Variants in WDR76 observed in about 807,000 individuals in gnomAD.
The protein encoded by WDR76 is WD repeat domain 76.
Under a neutral mutation model 70.2 loss-of-function variants are expected in WDR76, and 52 were observed. That is an observed-to-expected ratio of 0.74 (90% CI 0.59 to 0.93). The LOEUF (loss-of-function observed/expected upper bound fraction) is 0.93. Among genes scored for constraint, WDR76 ranks in the 40% least tolerant of loss-of-function variants. WDR76 has a pLI of 0.00. For synonymous variants in WDR76, 292 were observed against 271.1 expected, an observed-to-expected ratio of 1.08 and a Z score of -0.76; for missense variants, 756 against 760.2, an observed-to-expected ratio of 0.99 and a Z score of 0.07.
chr15:43,839,080 A>C (rs184417413), intron 4 of WDR76, among the ~76,000 whole-genome samples: 1 of 152,212 alleles, frequency 6.6e-6, no homozygotes, highest in African/African-American at 2.4e-5. Flanking sequence ...AAAATAGTGC[A>C]TAAAAAAATA....
At chr15:43,858,123 G>C (rs1192155313) in intron 10 of WDR76, among the ~76,000 whole-genome samples, 10 of 151,506 alleles carry the variant, frequency 6.6e-5, no homozygotes. Context: ...AGTAGAGACA[G>C]GGTCTCACTG....
chr15:43,848,473 TC>T (rs2087815678), intron 8 of WDR76, among the ~76,000 whole-genome samples: 1 of 152,180 alleles, frequency 6.6e-6, no homozygotes, highest in Admixed American at 6.5e-5. Context: ...TTCCGATTTT[TC>T]CTCTTTTCAA....
chr15:43,834,995 GT>G, intron 2 of WDR76, 65 bp from the exon 3 acceptor site: 1 of 1,345,228 alleles, frequency 7.4e-7, no homozygotes, highest in South Asian at 1.2e-5. Flanking sequence ...GAAACATGTA[GT>G]TTTGTGAAGT....
chr15:43,852,180 CTTT>C (rs1341930537), intron 9 of WDR76, among the ~76,000 whole-genome samples: 1 of 152,082 alleles, frequency 6.6e-6, no homozygotes, highest in East Asian at 1.9e-4. Context: ...ATAAGTTGAA[CTTT>C]TTTATTTTAT....
Position 43,828,314 on chromosome 15 carries a change from ATGTG to A in WDR76, c.411_414del (p.Asp137GlufsTer30), listed in dbSNP as rs1567180477. ...GCAGATGCGATGAATCTCAGTGTTG[ATGTG>A]GAAAGTAGTCAGGATGGAGACAGTG... On this transcript the variant is annotated frameshift_variant, in exon 2 of 13. Coordinates refer to ENST00000263795, the MANE Select transcript of WDR76 (RefSeq NM_024908.4). LOFTEE classifies it high-confidence loss of function. 1 of 1,614,068 alleles carries A rather than the reference ATGTG, an allele frequency of 6.2e-7. No homozygotes were observed. Among genetic ancestry groups the A allele is most frequent in the African/African-American group, 1.3e-5 (1 of 75,058 alleles).
chr15:43,835,285 A>G (rs1224862928), intron 3 of WDR76, 135 bp downstream of exon 3: 1 of 619,362 alleles, frequency 1.6e-6, no homozygotes, highest in Non-Finnish European at 2.7e-6. Context: ...TGGGTAACAT[A>G]CGGAGACCCG....
chr15:43,852,679 C>G (rs920252251), intron 9 of WDR76, among the ~76,000 whole-genome samples: 1 of 152,050 alleles, frequency 6.6e-6, no homozygotes, highest in Admixed American at 6.6e-5. Context: ...AGATTTGCCT[C>G]TTCTGGACAT....
intron 12 of WDR76, among the ~76,000 whole-genome samples, chr15:43,865,601 G>A (rs1052838409): frequency 6.6e-6 from 1 of 151,528 alleles, no homozygotes; most frequent in East Asian, 1.9e-4. Context: ...ACTGGGTTTC[G>A]CCGTGTTGGA....
At chr15:43,858,356 G>C (rs2087956236) in intron 10 of WDR76, among the ~76,000 whole-genome samples, 1 of 151,986 alleles carries the variant, frequency 6.6e-6, no homozygotes, top group Admixed American at 6.6e-5. Flanking sequence ...CCAGGTTCAA[G>C]CAATTCTCCT....
At chr15:43,827,854 A>G in intron 1 of WDR76, 111 bp from the exon 2 acceptor site, 20 of 1,244,426 alleles carry the variant, frequency 1.6e-5, no homozygotes, top group Non-Finnish European at 2.2e-5. Flanking sequence ...CTCAATTTGG[A>G]TTTATATTGT....
chr15:43,835,206 C>T (rs1036192044), intron 3 of WDR76, 56 bp downstream of exon 3: 15 of 1,496,296 alleles, frequency 1.0e-5, no homozygotes, highest in Admixed American at 1.7e-5. Context: ...GTGGGTAGCG[C>T]CTGTAATCCT....
At chr15:43,844,613 C>CAA (rs35536883) in intron 8 of WDR76, among the ~76,000 whole-genome samples, 4 of 91,570 alleles carry the variant, frequency 4.4e-5, no homozygotes, top group East Asian at 3.7e-4. Context: ...GACTCCGTCT[C>CAA]AAAAAAAAAA....
intron 12 of WDR76, among the ~76,000 whole-genome samples, chr15:43,863,710 G>C (rs981087109): frequency 2.6e-5 from 4 of 152,026 alleles, no homozygotes; most frequent in East Asian, 3.9e-4. Context: ...CAGACACACA[G>C]AACCATGCCC....
In WDR76 at chr15:43,830,502, C is replaced by T. The variant is rs146796419; in HGVS notation, c.462+2136C>T. 6.9e-3 allele frequency among the ~76,000 whole-genome samples: 961 copies of T among 140,282 alleles called. 16 individuals carry two copies. The highest frequency in any genetic ancestry group is 0.045 in the East Asian group (203 of 4,474). The allele number at this position is 140,282 out of a possible 152,430, so 92.0% of individuals were successfully genotyped here. A position where few individuals can be genotyped will look rare whatever the true frequency, so the allele number is the denominator to read the frequency against. The stretch of plus-strand genomic sequence containing the variant: ...TCTTGAACCTGGAAGGTGGAGGTTG[C>T]GGTGAGCCGAGATCGTGCTGTTGCA... On this transcript the variant is annotated intron_variant, in intron 2 of 12. Coordinates refer to ENST00000263795, the MANE Select transcript of WDR76 (RefSeq NM_024908.4).
intron 5 of WDR76, among the ~76,000 whole-genome samples, chr15:43,841,644 TTTCTA>T (rs1759730800): frequency 1.3e-5 from 2 of 152,066 alleles, no homozygotes; most frequent in Non-Finnish European, 2.9e-5. Context: ...TGGCCTGGTA[TTTCTA>T]TTCTATTCTC....
At chr15:43,854,295 C>CAATAT (rs1258731331) in intron 9 of WDR76, among the ~76,000 whole-genome samples, 11 of 152,154 alleles carry the variant, frequency 7.2e-5, no homozygotes, top group Non-Finnish European at 1.5e-4. Flanking sequence ...ATAGGTTGGG[C>CAATAT]ATGGTAGCTC....
rs1173756599 is a variant in WDR76, at chr15:43,839,711, T to C, written c.715T>C (p.Leu239=). The part of the protein sequence containing the change: ...SLPAAPTPPT[L]VADETPLLPP... ...ACCAGCAGCTCCAACACCGCCGACA[T>C]TAGTAGCAGATGAAACTGTAAGGAA... is the stretch of plus-strand genomic sequence containing the variant. The change falls in exon 5 of 13, where the codon TTA becomes CTA. Residue 239 remains leucine (L), a synonymous_variant. Transcript: ENST00000263795. 2 of 1,608,018 alleles carry C rather than the reference T, an allele frequency of 1.2e-6. No homozygotes were observed. Among genetic ancestry groups the C allele is most frequent in the African/African-American group, 2.7e-5 (2 of 74,770 alleles).
chr15:43,828,180 G>C lies in WDR76; in HGVS notation c.276G>C (p.Arg92Ser). 1.2e-6 allele frequency: 2 copies of C among 1,614,116 alleles called. No individual in the cohort carries two copies. Among genetic ancestry groups the C allele is most frequent in the Non-Finnish European group, 1.7e-6 (2 of 1,180,016 alleles). The change falls in exon 2 of 13, where the codon AGG becomes AGC. Residue 92 changes from arginine to serine, a missense_variant. Arg to Ser is a moderately radical substitution (Grantham distance 110). Transcript: ENST00000263795. Reference sequence around the variant, plus strand: ...CTAAAATAAAGAAAACTTGCAGAAGGATTATACCTCCAAAGATGAAAAACA... The same window carrying C: ...CTAAAATAAAGAAAACTTGCAGAAGCATTATACCTCCAAAGATGAAAAACA... ...KKTKIKKTCR[R>S]IIPPKMKNTS...
chr15:43,840,584 C>G (rs1211872599), intron 5 of WDR76, among the ~76,000 whole-genome samples: 2 of 152,130 alleles, frequency 1.3e-5, no homozygotes, highest in Non-Finnish European at 2.9e-5. Flanking sequence ...GAAGATAGCA[C>G]TAATTAGGCT....
Sources: allele counts gnomAD v4.1 joint callset (sites outside exome capture counted in the v4.1 genomes callset), GRCh38; gene constraint gnomAD v4.1.1; transcripts MANE v1.5; gene names NCBI Gene and HGNC (gene_info 2026-07-23, HGNC 2026-07-21).